Variants in BIRC6 observed in about 807,000 individuals in gnomAD.
BIRC6 encodes baculoviral IAP repeat containing 6.
BIRC6 carries 98 observed loss-of-function variants against 503.3 expected under a neutral mutation model. The observed-to-expected ratio is 0.19, with a 90% CI of 0.17 to 0.23. The LOEUF is 0.23. BIRC6 is among the 10% of genes least tolerant of loss of function. The probability of loss-of-function intolerance (pLI) is 1.00; values close to 1 mark genes in which losing one functional copy is unlikely to be tolerated. For synonymous variants in BIRC6, 2,240 were observed against 2,078.7 expected, an observed-to-expected ratio of 1.08 and a Z score of -2.11; for missense variants, 5,360 against 5,806.0, an observed-to-expected ratio of 0.92 and a Z score of 2.50.
chr2:32,418,014 G>A (rs962856445), intron 10 of BIRC6, among the ~76,000 whole-genome samples: 11 of 152,068 alleles, frequency 7.2e-5, no homozygotes, highest in African/African-American at 2.4e-4. Flanking sequence ...TGCTGACCTC[G>A]AGCGATCCGT....
intron 66 of BIRC6, among the ~76,000 whole-genome samples, chr2:32,582,927 A>G (rs1220413652): frequency 2.0e-5 from 3 of 152,210 alleles, no homozygotes; most frequent in African/African-American, 4.8e-5. Context: ...TCTCTAATAT[A>G]CATACATACA....
chr2:32,439,179 G>C (rs897070350), intron 15 of BIRC6, among the ~76,000 whole-genome samples: 1 of 151,708 alleles, frequency 6.6e-6, no homozygotes, highest in African/African-American at 2.4e-5. Flanking sequence ...ACAGTTTTGT[G>C]TGTGTGTGTG....
intron 1 of BIRC6, among the ~76,000 whole-genome samples, chr2:32,360,896 A>G (rs947266248): frequency 3.2e-4 from 48 of 150,712 alleles, no homozygotes; most frequent in Middle Eastern, 3.4e-3. Flanking sequence ...GTGTGTGTGT[A>G]TGTGTGTGTG....
intron 66 of BIRC6, among the ~76,000 whole-genome samples, chr2:32,581,849 T>C (rs908900869): frequency 1.3e-5 from 2 of 152,104 alleles, no homozygotes; most frequent in Admixed American, 1.3e-4. Flanking sequence ...AGAAAAGTGA[T>C]CTATATTTTA....
intron 8 of BIRC6, among the ~76,000 whole-genome samples, chr2:32,404,882 G>C (rs904416028): frequency 1.6e-4 from 25 of 151,858 alleles, no homozygotes; most frequent in African/African-American, 5.8e-4. Context: ...GGCTGGTCTC[G>C]AATTCCTGGG....
chr2:32,430,754 G>C (rs980440656), intron 11 of BIRC6, 111 bp from the exon 12 acceptor site: 134 of 740,198 alleles, frequency 1.8e-4, no homozygotes, highest in Non-Finnish European at 2.8e-4. Context: ...TATTTGGCAA[G>C]TGTTGCAATA....
At position 32,499,706 on chromosome 2, in the gene BIRC6, A is replaced by C; in HGVS notation, c.8628A>C (p.Lys2876Asn). Reference protein sequence around the residue: ...LVHHYITCSDKVMSRSGSDSS... With the variant: ...LVHHYITCSDNVMSRSGSDSS... Reference sequence around the variant, plus strand: ...ACCACTATATCACTTGCTCAGACAAAGTAATGTCAAGAAGTGGATCAGATA... The same window carrying C: ...ACCACTATATCACTTGCTCAGACAACGTAATGTCAAGAAGTGGATCAGATA... Residue 2876 changes from lysine to asparagine, a missense_variant, in exon 46 of 74, where the codon AAA becomes AAC. Transcript: ENST00000421745. The C allele has an allele frequency of 2.5e-6, 4 of 1,614,014 alleles. No individual in the cohort carries two copies. The highest frequency in any genetic ancestry group is 2.5e-6 in the Non-Finnish European group (3 of 1,179,890).
At chr2:32,581,390 A>C (rs765012221) in intron 66 of BIRC6, among the ~76,000 whole-genome samples, 1 of 152,218 alleles carries the variant, frequency 6.6e-6, no homozygotes, top group Non-Finnish European at 1.5e-5. Flanking sequence ...TCTTGGTAGA[A>C]ATTCTTTGTT....
At chr2:32,576,146 G>C (rs1025397481) in intron 66 of BIRC6, among the ~76,000 whole-genome samples, 1 of 152,006 alleles carries the variant, frequency 6.6e-6, no homozygotes, top group Non-Finnish European at 1.5e-5. Flanking sequence ...ACATCTTTTG[G>C]TGCTTGCAGA....
Position 32,556,631 on chromosome 2 carries a change from A to G in BIRC6, c.13144+7150A>G, listed in dbSNP as rs141971773. ...ATTGTTTTGCAAACTAGATGTTTTT[A>G]TGGTAAATCATGAAATGCTTTAAAA... On this transcript the variant is annotated intron_variant, in intron 65 of 73. Transcript: ENST00000421745. Among the ~76,000 whole-genome samples the G allele has an allele frequency of 2.0e-5, 3 of 152,134 alleles. No homozygotes were observed. In the East Asian group the frequency reaches 5.8e-4, roughly 29 times the overall value.
chr2:32,435,407 C>A (rs954369530), intron 13 of BIRC6, 89 bp from the exon 14 acceptor site: 6 of 1,321,986 alleles, frequency 4.5e-6, no homozygotes, highest in Non-Finnish European at 5.9e-6. Context: ...GCACATAAAT[C>A]ATTGATATTA....
chr2:32,601,046 G>A (rs763493923), intron 70 of BIRC6, among the ~76,000 whole-genome samples: 22 of 152,142 alleles, frequency 1.4e-4, no homozygotes, highest in Admixed American at 1.0e-3. Flanking sequence ...AAAACTTTAC[G>A]ATTTTGTTTT....
At chr2:32,559,110 A>G (rs1050522336) in intron 65 of BIRC6, among the ~76,000 whole-genome samples, 1 of 152,188 alleles carries the variant, frequency 6.6e-6, no homozygotes, top group Non-Finnish European at 1.5e-5. Flanking sequence ...CCCTACTACC[A>G]GTTACTACTA....
chr2:32,379,282 T>C (rs2037279531), intron 2 of BIRC6: 1 of 152,142 alleles, frequency 6.6e-6, no homozygotes, highest in South Asian at 2.1e-4. Context: ...TTTGAAAAAA[T>C]TGAACATTTT....
chr2:32,416,316 C>T (rs1413927822), intron 10 of BIRC6, among the ~76,000 whole-genome samples, 153 bp downstream of exon 10: 1 of 151,938 alleles, frequency 6.6e-6, no homozygotes, highest in African/African-American at 2.4e-5. Flanking sequence ...TTAAACTGTT[C>T]TTAAAACTTT....
intron 23 of BIRC6, among the ~76,000 whole-genome samples, chr2:32,458,946 T>C (rs1467321441): frequency 1.3e-5 from 2 of 152,088 alleles, no homozygotes; most frequent in African/African-American, 4.8e-5. Flanking sequence ...TGCCTCGGCC[T>C]CCCAAAGTGC....
At position 32,547,856 on chromosome 2, in the gene BIRC6, G is replaced by C. The variant is rs747967000; in HGVS notation, c.12817G>C (p.Val4273Leu). 2.6e-6 allele frequency: 4 copies of C among 1,562,154 alleles called. No homozygotes were observed. Among genetic ancestry groups the C allele is most frequent in the Non-Finnish European group, 3.4e-6 (4 of 1,159,848 alleles). Residue 4273 changes from valine to leucine, a missense_variant, in exon 64 of 74, where the codon GTG (valine) becomes CTG (leucine). Val to Leu is a conservative substitution (Grantham distance 32). This residue lies in a region of BIRC6 where 477 missense variants were observed against 574.4 expected (regional missense o/e 0.83). Transcript: ENST00000421745. The part of the protein sequence containing the change: ...NSSVNQTEPQ[V>L]SSSHNPTSTE... ...CATTTTTTGTTATTTTAAGCCACAG[G>C]TGTCAAGCTCTCATAACCCTACATC... is the stretch of plus-strand genomic sequence containing the variant.
intron 40 of BIRC6, among the ~76,000 whole-genome samples, chr2:32,487,011 GA>G (rs942160193): frequency 2.0e-4 from 29 of 145,684 alleles, no homozygotes; most frequent in East Asian, 9.9e-4. Context: ...AAGGATATTT[GA>G]AAAAAAAAAG....
chr2:32,389,761 A>G (rs1346433486), intron 4 of BIRC6, among the ~76,000 whole-genome samples: 1 of 152,178 alleles, frequency 6.6e-6, no homozygotes, highest in East Asian at 1.9e-4. Flanking sequence ...TAGTGGCACA[A>G]TCTTGGCTCA....
Sources: gnomAD v4.1 joint callset for allele counts (sites outside exome capture counted in the v4.1 genomes callset) on GRCh38, gnomAD v4.1.1 for gene constraint, gnomAD v4.1.1 regional missense constraint, MANE v1.5 for transcripts, NCBI Gene and HGNC (gene_info 2026-07-23, HGNC 2026-07-21) for gene names.